NCKAP5: variants seen among roughly 807,000 people sequenced by gnomAD.
NCKAP5 encodes nck-associated protein 5.
Under a neutral mutation model 167.0 loss-of-function variants are expected in NCKAP5, and 92 were observed. The observed-to-expected ratio is 0.55, with a 90% CI of 0.47 to 0.66. The LOEUF is 0.66. NCKAP5 is among the 30% of genes least tolerant of loss of function. NCKAP5 has a pLI of 0.00. For synonymous variants in NCKAP5, 891 were observed against 877.4 expected (o/e 1.02, Z -0.27); for missense variants, 2,378 against 2,315.0 (o/e 1.03, Z -0.56).
intron 9 of NCKAP5, among the ~76,000 whole-genome samples, chr2:132,876,085 C>T (rs1003719952): frequency 1.5e-4 from 23 of 152,122 alleles, no homozygotes; most frequent in African/African-American, 5.5e-4. Flanking sequence ...GATTGAAGAA[C>T]ATTTTGTTTA....
chr2:132,987,416 T>C (rs2077320286), intron 7 of NCKAP5, among the ~76,000 whole-genome samples: 1 of 152,198 alleles, frequency 6.6e-6, no homozygotes, highest in South Asian at 2.1e-4. Context: ...TATTTCATGA[T>C]TGATAAACTT....
chr2:133,442,881 C>G (rs1451794667), intron 3 of NCKAP5, among the ~76,000 whole-genome samples: 1 of 152,244 alleles, frequency 6.6e-6, no homozygotes, highest in East Asian at 1.9e-4. Context: ...GAGAAAGAGG[C>G]AGCCACAGAG....
chr2:132,702,966 G>C (rs1378752243), intron 19 of NCKAP5, among the ~76,000 whole-genome samples: 4 of 152,120 alleles, frequency 2.6e-5, no homozygotes, highest in African/African-American at 9.7e-5. Context: ...ATCTCTTGAG[G>C]GTAGAATTTG....
chr2:133,428,599 G>T (rs954520909), intron 3 of NCKAP5, among the ~76,000 whole-genome samples: 5 of 152,072 alleles, frequency 3.3e-5, no homozygotes, highest in African/African-American at 9.7e-5. Flanking sequence ...CAACTCAGAA[G>T]CCATAAAGGG....
intron 11 of NCKAP5, among the ~76,000 whole-genome samples, chr2:132,847,882 G>A (rs989854647): frequency 7.2e-5 from 11 of 152,250 alleles, no homozygotes; most frequent in Admixed American, 2.6e-4. Flanking sequence ...GCCTGGGGCT[G>A]AGGACTGAGA....
intron 6 of NCKAP5, among the ~76,000 whole-genome samples, chr2:133,050,914 C>T (rs776855037): frequency 2.0e-5 from 3 of 152,162 alleles, no homozygotes; most frequent in Non-Finnish European, 4.4e-5. Flanking sequence ...AAAGTGCTTG[C>T]TTTGAAGTAT....
chr2:133,459,505 G>A (rs933626506), intron 3 of NCKAP5, among the ~76,000 whole-genome samples: 3 of 151,970 alleles, frequency 2.0e-5, no homozygotes, highest in Admixed American at 6.6e-5. Flanking sequence ...GTAGACGTTC[G>A]GTGTTATCTC....
chr2:132,887,352 C>CTAACT (rs1558902689), intron 8 of NCKAP5, among the ~76,000 whole-genome samples: 1 of 112,748 alleles, frequency 8.9e-6, no homozygotes, highest in Non-Finnish European at 1.8e-5. Context: ...TCTATCTATC[C>CTAACT]ATCCATCCAT....
intron 3 of NCKAP5, among the ~76,000 whole-genome samples, chr2:133,385,940 CTTCT>C (rs1284996345): frequency 2.0e-5 from 3 of 152,060 alleles, no homozygotes; most frequent in Non-Finnish European, 2.9e-5. Context: ...TCTCTCTTTT[CTTCT>C]TTATTAGTCT....
At chr2:133,064,323 T>C (rs955642132) in intron 6 of NCKAP5, among the ~76,000 whole-genome samples, 5 of 152,242 alleles carry the variant, frequency 3.3e-5, no homozygotes, top group Admixed American at 6.5e-5. Flanking sequence ...TTAAGTATAC[T>C]GATAGTTTAA....
the NCKAP5 span, among the ~76,000 whole-genome samples, chr2:133,587,788 A>G: frequency 6.6e-6 from 1 of 152,178 alleles, no homozygotes; most frequent in Non-Finnish European, 1.5e-5. Context: ...TCCCTGCTGT[A>G]ACAAAATGCT....
Position 132,790,141 on chromosome 2 carries a change from T to C in NCKAP5, c.974A>G (p.His325Arg). The change falls in exon 13 of 20, where the codon CAT (histidine) becomes CGT (arginine). Residue 325 changes from histidine (H) to arginine (R), a missense_variant. Physicochemically the swap from His to Arg is conservative, Grantham distance 29 (BLOSUM62 0). Around this residue, in one of 3 missense-constraint regions of NCKAP5, gnomAD observed 1,049 missense variants for 1,023.4 expected, o/e 1.02. Coordinates refer to ENST00000409261, the MANE Select transcript of NCKAP5 (RefSeq NM_207363.3). ...ACTGTAGCTGTTTCGAGGACAGAGA[T>C]GACCAGGGATGACAGCCCCCAAGCC... The part of the protein sequence containing the change: ...CPGLGAVIPG[H>R]LCPRNSYSSS... 1 of 1,613,644 alleles carries C rather than the reference T, an allele frequency of 6.2e-7. No individual in the cohort carries two copies. The highest frequency in any genetic ancestry group is 2.2e-5 in the East Asian group (1 of 44,860).
intron 10 of NCKAP5, among the ~76,000 whole-genome samples, chr2:132,867,081 A>G (rs1475707929): frequency 6.6e-6 from 1 of 151,628 alleles, no homozygotes; most frequent in Non-Finnish European, 1.5e-5. Flanking sequence ...ACCAAGGTAG[A>G]TTTATCTGTT....
At chr2:132,906,437 T>C (rs1694015084) in intron 8 of NCKAP5, among the ~76,000 whole-genome samples, 1 of 152,188 alleles carries the variant, frequency 6.6e-6, no homozygotes, top group Non-Finnish European at 1.5e-5. Context: ...GTCATCGCCA[T>C]GCAGAGGTGA....
intron 5 of NCKAP5, among the ~76,000 whole-genome samples, chr2:133,181,132 A>C (rs2084713014): frequency 6.7e-6 from 1 of 149,876 alleles, no homozygotes; most frequent in African/African-American, 2.4e-5. Flanking sequence ...TGAAGCAAAA[A>C]CAACACTATG....
chr2:132,903,778 A>C (rs999939745), intron 8 of NCKAP5, among the ~76,000 whole-genome samples: 3 of 152,194 alleles, frequency 2.0e-5, no homozygotes, highest in Non-Finnish European at 4.4e-5. Flanking sequence ...TTCTGGTTCA[A>C]AACTAGTAAG....
intron 8 of NCKAP5, among the ~76,000 whole-genome samples, chr2:132,945,295 G>A (rs1288061217): frequency 6.6e-6 from 1 of 152,046 alleles, no homozygotes; most frequent in South Asian, 2.1e-4. Flanking sequence ...CGGGGGCAGG[G>A]GTGGGGTGGG....
chr2:133,254,429 T>C (rs2088515686), intron 4 of NCKAP5, among the ~76,000 whole-genome samples: 1 of 152,056 alleles, frequency 6.6e-6, no homozygotes, highest in African/African-American at 2.4e-5. Context: ...GGCTGAGCCC[T>C]CAGGTGACTG....
intron 19 of NCKAP5, among the ~76,000 whole-genome samples, chr2:132,721,617 CT>C (rs1325925804): frequency 1.3e-5 from 2 of 152,200 alleles, no homozygotes; most frequent in African/African-American, 4.8e-5. Context: ...TTTCTATTTT[CT>C]TTTTATACAA....
Sources: gnomAD v4.1 joint callset for allele counts (sites outside exome capture counted in the v4.1 genomes callset) on GRCh38, gnomAD v4.1.1 for gene constraint, gnomAD v4.1.1 regional missense constraint, MANE v1.5 for transcripts, NCBI Gene and HGNC (gene_info 2026-07-23, HGNC 2026-07-21) for gene names.